MCTP1: variants seen among roughly 807,000 people sequenced by gnomAD.
MCTP1 encodes multiple C2 and transmembrane domain containing 1.
Under a neutral mutation model 120.6 loss-of-function variants are expected in MCTP1, and 69 were observed. The observed-to-expected ratio is 0.57, with a 90% CI of 0.47 to 0.70. The LOEUF (loss-of-function observed/expected upper bound fraction) is 0.70, where lower values mean the gene tolerates loss of function less well. Among genes scored for constraint, MCTP1 ranks in the 30% least tolerant of loss-of-function variants. The probability of loss-of-function intolerance (pLI) is 0.00; values close to 1 mark genes in which losing one functional copy is unlikely to be tolerated. For missense variants in MCTP1, 1,203 were observed against 1,248.8 expected, an observed-to-expected ratio of 0.96 and a Z score of 0.55; for synonymous variants, 529 against 493.1, an observed-to-expected ratio of 1.07 and a Z score of -0.96.
chr5:95,006,448 A>T (rs902198567), intron 2 of MCTP1, among the ~76,000 whole-genome samples: 4 of 152,146 alleles, frequency 2.6e-5, no homozygotes, highest in Admixed American at 1.3e-4. Flanking sequence ...ATTAATTTTT[A>T]AAAAATTTCC....
intron 10 of MCTP1, among the ~76,000 whole-genome samples, chr5:94,896,989 A>C (rs1804171409): frequency 6.6e-6 from 1 of 152,192 alleles, no homozygotes; most frequent in African/African-American, 2.4e-5. Flanking sequence ...ATCTTTAAGT[A>C]ACCATGCATC....
rs531622121 is a variant in MCTP1, at chr5:94,734,184, A to G, written c.2611-19298T>C. ...CACCATCCTTTCCAGAATTTCTGTA[A>G]GCACTGCTGATCAAACGCAAACACT... is the stretch of plus-strand genomic sequence containing the variant. On this transcript the variant is annotated intron_variant, in intron 19 of 22. Coordinates refer to ENST00000515393, the MANE Select transcript of MCTP1 (RefSeq NM_024717.7). Among the ~76,000 whole-genome samples the G allele has an allele frequency of 1.3e-4, 20 of 152,284 alleles. No individual in the cohort carries two copies. The East Asian group carries it at 3.7e-3, about 28-fold the overall frequency.
chr5:94,901,653 T>C (rs535416048), intron 10 of MCTP1, among the ~76,000 whole-genome samples: 2 of 152,214 alleles, frequency 1.3e-5, no homozygotes, highest in Admixed American at 1.3e-4. Context: ...TATTTAATCA[T>C]GTGAAAGGAA....
chr5:94,922,555 C>T (rs961475575), intron 7 of MCTP1, among the ~76,000 whole-genome samples: 12 of 151,710 alleles, frequency 7.9e-5, no homozygotes, highest in African/African-American at 2.7e-4. Flanking sequence ...ATGGCGCAAT[C>T]GCAGCCCACT....
At chr5:94,716,610 G>A (rs2152567498) in intron 19 of MCTP1, among the ~76,000 whole-genome samples, 2 of 152,228 alleles carry the variant, frequency 1.3e-5, no homozygotes, top group Admixed American at 1.3e-4. Context: ...TAAGTCAAAC[G>A]AGTTGAAGCA....
chr5:94,754,817 C>T (rs1769369832), intron 19 of MCTP1, among the ~76,000 whole-genome samples: 1 of 152,204 alleles, frequency 6.6e-6, no homozygotes, highest in Non-Finnish European at 1.5e-5. Flanking sequence ...TGACCTTTCC[C>T]TTGCCTACCA....
intron 2 of MCTP1, among the ~76,000 whole-genome samples, chr5:94,963,245 G>C (rs1455453093): frequency 6.6e-6 from 1 of 151,926 alleles, no homozygotes; most frequent in African/African-American, 2.4e-5. Flanking sequence ...TGGCTATTGT[G>C]AATAATGCTG....
chr5:95,283,680 T>C (rs1562301177), intron 1 of MCTP1, among the ~76,000 whole-genome samples, 176 bp downstream of exon 1: 1 of 152,282 alleles, frequency 6.6e-6, no homozygotes, highest in Non-Finnish European at 1.5e-5. Context: ...CAGAACTCTT[T>C]CATCTTTGCT....
At chr5:95,078,345 A>T (rs539194890) in intron 1 of MCTP1, among the ~76,000 whole-genome samples, 1 of 152,306 alleles carries the variant, frequency 6.6e-6, no homozygotes, top group African/African-American at 2.4e-5. Context: ...TCAGATAACT[A>T]AATATAGACT....
At chr5:94,859,939 A>T (rs1047280735) in intron 17 of MCTP1, among the ~76,000 whole-genome samples, 7 of 151,812 alleles carry the variant, frequency 4.6e-5, no homozygotes, top group South Asian at 4.1e-4. Context: ...CTTGTTTCGA[A>T]CATTTAGAGT....
intron 1 of MCTP1, among the ~76,000 whole-genome samples, chr5:95,133,987 T>C (rs769478208): frequency 3.3e-5 from 5 of 152,242 alleles, no homozygotes; most frequent in Non-Finnish European, 5.9e-5. Flanking sequence ...GGACCAAAGC[T>C]GACCTCCTTA....
chr5:94,919,206 T>G (rs922979031), intron 7 of MCTP1, among the ~76,000 whole-genome samples: 1 of 152,186 alleles, frequency 6.6e-6, no homozygotes, highest in Admixed American at 6.5e-5. Context: ...CTATAATAAA[T>G]TATAGTTCAA....
At chr5:95,038,973 T>C (rs75495120) in intron 1 of MCTP1, among the ~76,000 whole-genome samples, 2,447 of 151,950 alleles carry the variant, frequency 0.016, 68 homozygotes, top group African/African-American at 0.057. Context: ...TCCTTCTTGC[T>C]TTCAAAAGAA....
At chr5:95,077,401 T>C (rs1483243339) in intron 1 of MCTP1, among the ~76,000 whole-genome samples, 1 of 152,168 alleles carries the variant, frequency 6.6e-6, no homozygotes, top group East Asian at 1.9e-4. Flanking sequence ...ATAATGTGTG[T>C]AAATATATAT....
intron 1 of MCTP1, among the ~76,000 whole-genome samples, chr5:95,125,651 TC>T (rs1326172097): frequency 5.3e-5 from 8 of 152,236 alleles, no homozygotes; most frequent in African/African-American, 1.9e-4. Flanking sequence ...TTTGTTGTGT[TC>T]TTTTTAAGGA....
intron 1 of MCTP1, among the ~76,000 whole-genome samples, chr5:95,232,910 A>G (rs1755125185): frequency 6.6e-6 from 1 of 152,204 alleles, no homozygotes; most frequent in African/African-American, 2.4e-5. Context: ...TACCTAAAGG[A>G]CATTATAATC....
chr5:94,803,144 G>C (rs1470007119), intron 17 of MCTP1, among the ~76,000 whole-genome samples: 1 of 152,134 alleles, frequency 6.6e-6, no homozygotes. Context: ...TTAGAGACTA[G>C]AACTATTCCA....
chr5:94,797,509 T>A lies in MCTP1; in HGVS notation c.2556+1504A>T, dbSNP rs559262620. ...ATTAATTGATGAAAGTACCTATTAG[T>A]CCCCATGACACCAACGCTTATAGCA... On this transcript the variant is annotated intron_variant, in intron 18 of 22. Transcript: ENST00000515393. Among the ~76,000 whole-genome samples the A allele has an allele frequency of 5.9e-5, 9 of 152,272 alleles. No homozygotes were observed. In the South Asian group the frequency reaches 1.9e-3, roughly 32 times the overall value.
chr5:95,177,389 A>T (rs925715826), intron 1 of MCTP1, among the ~76,000 whole-genome samples: 4 of 152,212 alleles, frequency 2.6e-5, no homozygotes, highest in Admixed American at 1.3e-4. Flanking sequence ...AAGATTTAGA[A>T]GTTGAAATAA....
Sources: allele counts gnomAD v4.1 joint callset (sites outside exome capture counted in the v4.1 genomes callset), GRCh38; gene constraint gnomAD v4.1.1; transcripts MANE v1.5; gene names NCBI Gene and HGNC (gene_info 2026-07-23, HGNC 2026-07-21).